FBLN7: variants seen among roughly 807,000 people sequenced by gnomAD.
FBLN7 encodes fibulin 7, also known as fibulin-7.
FBLN7 carries 31 observed loss-of-function variants against 44.0 expected under a neutral mutation model. The ratio of observed to expected loss-of-function variants is 0.70; its 90% CI spans 0.53 to 0.95. The LOEUF is 0.95. FBLN7 is among the 40% of genes least tolerant of loss of function. The probability of loss-of-function intolerance (pLI) is 0.00; values close to 1 mark genes in which losing one functional copy is unlikely to be tolerated. For synonymous variants in FBLN7, 262 were observed against 253.4 expected, an observed-to-expected ratio of 1.03 and a Z score of -0.32; for missense variants, 573 against 618.5, an observed-to-expected ratio of 0.93 and a Z score of 0.78.
In FBLN7 at chr2:112,187,402, C is replaced by G. The variant is rs1407133068; in HGVS notation, c.1216C>G (p.Gln406Glu). The G allele has an allele frequency of 3.7e-6, 6 of 1,614,146 alleles. No individual in the cohort carries two copies. The highest frequency in any genetic ancestry group is 5.1e-6 in the Non-Finnish European group (6 of 1,180,028). The change falls in exon 8 of 8, where the codon CAG becomes GAG. Residue 406 changes from glutamine to glutamate, a missense_variant. By Grantham distance (29) the Gln-to-Glu change is conservative. Coordinates refer to ENST00000331203, the MANE Select transcript of FBLN7 (RefSeq NM_153214.3). The surrounding 1 kb of genome is among the most constrained non-coding windows in gnomAD (Gnocchi z 5.1). ...CCTTGTGCAGAACCTGGAGGGGCCT[C>G]AGACGCTGGAGGTGGACGTCGACAT... ...LILVQNLEGPQTLEVDVDMSE... is the reference protein window; with the variant it reads ...LILVQNLEGPETLEVDVDMSE...
rs4848281 is a variant in FBLN7 at position 112,187,611 on chromosome 2, T to A, written c.*105T>A. ...TGGAGCCTCCCGCCTGTTCCCGCCC[T>A]CTCACCAGTGCACCCAGGCTTCTAG... On this transcript the variant is annotated 3_prime_UTR_variant, in exon 8 of 8. Coordinates refer to ENST00000331203, the MANE Select transcript of FBLN7 (RefSeq NM_153214.3). This position sits in a 1 kb window ranked among gnomAD's most constrained non-coding sequence, Gnocchi z 5.1. The A allele has an allele frequency of 0.75, 1,105,181 of 1,479,290 alleles. 415,636 individuals carry two copies. The highest frequency in any genetic ancestry group is 0.99 in the East Asian group (43,493 of 43,914). 91.6% of individuals were successfully genotyped at this position (1,479,290 alleles called of 1,614,324 possible).
At chr2:112,234,293 TTC>T in the FBLN7 span, 1 of 1,325,810 alleles carries the variant, frequency 7.5e-7, no homozygotes, top group Middle Eastern at 1.9e-4. Flanking sequence ...AAATATTTTA[TTC>T]TGTTGCACAA....
the FBLN7 span, among the ~76,000 whole-genome samples, chr2:112,223,548 A>ATTACT: frequency 1.3e-5 from 2 of 152,172 alleles, no homozygotes; most frequent in South Asian, 4.1e-4. Flanking sequence ...ATCTGCATAT[A>ATTACT]TTACTTTTAT....
downstream of FBLN7, chr2:112,190,734 C>T (rs1253116954): frequency 6.6e-6 from 1 of 152,160 alleles, no homozygotes; most frequent in East Asian, 1.9e-4. Flanking sequence ...TTTTCTGCCC[C>T]TGCCCTGAAA....
At chr2:112,158,779 T>G (rs775910837) in intron 1 of FBLN7, among the ~76,000 whole-genome samples, 1 of 151,964 alleles carries the variant, frequency 6.6e-6, no homozygotes, top group Non-Finnish European at 1.5e-5. Flanking sequence ...CTCACTATAT[T>G]GCACAGGCTG....
chr2:112,174,780 G>C (rs193084623), intron 3 of FBLN7, among the ~76,000 whole-genome samples: 2 of 152,178 alleles, frequency 1.3e-5, no homozygotes, highest in South Asian at 2.1e-4. Context: ...TGGGATCTCG[G>C]CTCACTGCAA....
At position 112,160,166 on chromosome 2, in the gene FBLN7, A is replaced by G. The variant is rs376561174; in HGVS notation, c.235+331A>G. On this transcript the variant is annotated intron_variant, in intron 2 of 7. Coordinates refer to ENST00000331203, the MANE Select transcript of FBLN7 (RefSeq NM_153214.3). ...CCACCACGCCCGGCTAATTTTTTGT[A>G]TTTTTAGTAGAGACGGGGTTTCACC... is the stretch of plus-strand genomic sequence containing the variant. Among the ~76,000 whole-genome samples, 29 of 151,958 alleles carry G rather than the reference A, an allele frequency of 1.9e-4. No homozygotes were observed. The East Asian group carries it at 5.4e-3, about 29-fold the overall frequency.
Position 112,175,810 on chromosome 2 carries a change from G to C in FBLN7, c.503G>C (p.Gly168Ala). 6.2e-7 allele frequency: 1 copy of C among 1,614,140 alleles called. No homozygotes were observed. Among genetic ancestry groups the C allele is most frequent in the Non-Finnish European group, 8.5e-7 (1 of 1,180,004 alleles). The change falls in exon 4 of 8, where the codon GGG (glycine) becomes GCG (alanine). Residue 168 changes from glycine (G) to alanine (A), a missense_variant. Gly to Ala is a moderately conservative substitution (Grantham distance 60). Transcript: ENST00000331203. The part of the protein sequence containing the change: ...YRCICPPGRT[G>A]NRCQHQAQTA... ...TGCATTTGTCCTCCAGGAAGGACTG[G>C]GAACCGCTGTCAGCATCAGGCCCAG...
chr2:112,212,828 C>A, the FBLN7 span: 1 of 152,102 alleles, frequency 6.6e-6, no homozygotes, highest in Non-Finnish European at 1.5e-5. Flanking sequence ...AGGTGCTCAA[C>A]CTGAGATATT....
At chr2:112,149,566 C>G (rs1402502239) in intron 1 of FBLN7, among the ~76,000 whole-genome samples, 1 of 152,122 alleles carries the variant, frequency 6.6e-6, no homozygotes, top group Non-Finnish European at 1.5e-5. Flanking sequence ...AAAGGCCTGA[C>G]TGTGCTGGCC....
intron 6 of FBLN7, among the ~76,000 whole-genome samples, chr2:112,184,631 G>C (rs1226352039): frequency 2.0e-5 from 3 of 149,622 alleles, no homozygotes; most frequent in Non-Finnish European, 4.4e-5. Flanking sequence ...TTTAAAAAAA[G>C]TGTGTGTATA....
the FBLN7 span, among the ~76,000 whole-genome samples, chr2:112,216,678 T>A: frequency 1.7e-5 from 2 of 114,642 alleles, no homozygotes; most frequent in African/African-American, 3.6e-5. Flanking sequence ...AGATTAGAAC[T>A]GAAGCAAAAA....
Position 112,185,209 on chromosome 2 carries a change from G to A in FBLN7, c.817G>A (p.Glu273Lys). 6.2e-7 allele frequency: 1 copy of A among 1,613,552 alleles called. No homozygotes were observed. Among genetic ancestry groups the A allele is most frequent in the Non-Finnish European group, 8.5e-7 (1 of 1,179,542 alleles). ...ADGKSCEDVD[E>K]CVGLQPVCPQ... ...TATGTCCTGTATCTCAGATGTGGAT[G>A]AATGTGTGGGCCTGCAGCCGGTGTG... Residue 273 changes from glutamate (E) to lysine (K), a missense_variant, in exon 7 of 8, where the codon GAA becomes AAA. Physicochemically the swap from Glu to Lys is moderately conservative, Grantham distance 56 (BLOSUM62 1). Coordinates refer to ENST00000331203, the MANE Select transcript of FBLN7 (RefSeq NM_153214.3).
chr2:112,139,929 TGCCAGTGTCCCTCCCGCCTCTCTCCAC>T (rs1680544728), intron 1 of FBLN7, among the ~76,000 whole-genome samples: 1 of 25,226 alleles, frequency 4.0e-5, no homozygotes, highest in African/African-American at 2.5e-4. Context: ...CCTCTCTCCA[TGCCAGTGTCCCTCCCGCCTCTCTCCAC>T]GCCAGTGTCC....
At chr2:112,157,695 C>T (rs1403241648) in intron 1 of FBLN7, among the ~76,000 whole-genome samples, 1 of 152,212 alleles carries the variant, frequency 6.6e-6, no homozygotes, top group African/African-American at 2.4e-5. Context: ...GCAATCATGA[C>T]TCACTGCAGC....
the FBLN7 span, among the ~76,000 whole-genome samples, chr2:112,200,993 A>G: frequency 1.3e-5 from 2 of 152,362 alleles, no homozygotes; most frequent in Non-Finnish European, 2.9e-5. Context: ...CTTGCAGAGA[A>G]TACAGCTTTG....
intron 3 of FBLN7, among the ~76,000 whole-genome samples, chr2:112,170,339 C>T (rs1458293611): frequency 6.6e-6 from 1 of 151,450 alleles, no homozygotes; most frequent in African/African-American, 2.4e-5. Context: ...CCAGCCTGGC[C>T]AACTTGGCAA....
chr2:112,170,166 C>G (rs1043063487), intron 3 of FBLN7, among the ~76,000 whole-genome samples: 1 of 151,964 alleles, frequency 6.6e-6, no homozygotes, highest in Non-Finnish European at 1.5e-5. Flanking sequence ...CGCTTGAACC[C>G]GGGAGGCGGA....
chr2:112,193,485 A>G, the FBLN7 span, among the ~76,000 whole-genome samples: 246 of 152,346 alleles, frequency 1.6e-3, no homozygotes, highest in Non-Finnish European at 2.9e-3. Flanking sequence ...GCCTATGCAC[A>G]TTCTCTTGCA....
Sources: allele counts gnomAD v4.1 joint callset (sites outside exome capture counted in the v4.1 genomes callset), GRCh38; gene constraint gnomAD v4.1.1; non-coding constraint Gnocchi (gnomAD v3.1); transcripts MANE v1.5; gene names NCBI Gene and HGNC (gene_info 2026-07-23, HGNC 2026-07-21).